GNAT3: variants seen among roughly 807,000 people sequenced by gnomAD.
The protein encoded by GNAT3 is G protein subunit alpha transducin 3.
In GNAT3, 31 loss-of-function variants were observed where a neutral mutation model predicts 37.7. The observed-to-expected ratio is 0.82, with a 90% CI of 0.62 to 1.11. GNAT3 has a LOEUF of 1.11. Among genes scored for constraint, GNAT3 ranks in the 50% most tolerant of loss-of-function variants. The pLI, the probability that GNAT3 is intolerant of heterozygous loss-of-function variation, is 0.00. For missense variants in GNAT3, 437 were observed against 412.5 expected, an observed-to-expected ratio of 1.06 and a Z score of -0.51; for synonymous variants, 138 against 139.8, an observed-to-expected ratio of 0.99 and a Z score of 0.09.
chr7:80,460,955 G>A (rs935410448), intron 7 of GNAT3, among the ~76,000 whole-genome samples: 1 of 151,634 alleles, frequency 6.6e-6, no homozygotes, highest in Non-Finnish European at 1.5e-5. Context: ...ACTAGAAACT[G>A]CTCTAAGAAA....
intron 5 of GNAT3, among the ~76,000 whole-genome samples, chr7:80,467,107 GA>G (rs1790140086): frequency 6.6e-6 from 1 of 152,130 alleles, no homozygotes; most frequent in African/African-American, 2.4e-5. Flanking sequence ...GTAAAGGATA[GA>G]ACTCACGTAC....
chr7:80,497,664 GTA>G (rs1412256546), intron 1 of GNAT3, among the ~76,000 whole-genome samples: 2 of 94,088 alleles, frequency 2.1e-5, no homozygotes, highest in African/African-American at 1.4e-4. Flanking sequence ...ATACATATAC[GTA>G]TATACATACA....
intron 3 of GNAT3, among the ~76,000 whole-genome samples, chr7:80,479,826 G>A (rs573101621): frequency 3.3e-5 from 5 of 151,232 alleles, no homozygotes; most frequent in Non-Finnish European, 5.9e-5. Flanking sequence ...TTACTGCCTC[G>A]TAATCATATA....
At chr7:80,466,824 A>G (rs900244405) in intron 5 of GNAT3, among the ~76,000 whole-genome samples, 1 of 152,126 alleles carries the variant, frequency 6.6e-6, no homozygotes, top group Non-Finnish European at 1.5e-5. Context: ...CAGCCTACTA[A>G]TGATGTGTTA....
At chr7:80,479,110 T>G in intron 3 of GNAT3, 112 bp from the exon 4 acceptor site, 1 of 777,426 alleles carries the variant, frequency 1.3e-6, no homozygotes, top group Non-Finnish European at 2.0e-6. Context: ...TAGCTAATAA[T>G]TCCACCAAAC....
At chr7:80,468,931 A>G (rs1790165763) in intron 5 of GNAT3, among the ~76,000 whole-genome samples, 1 of 152,152 alleles carries the variant, frequency 6.6e-6, no homozygotes, top group Non-Finnish European at 1.5e-5. Context: ...TTCTGTCACT[A>G]GAATCAATTA....
At position 80,488,476 on chromosome 7, in the gene GNAT3, T is replaced by C. The variant is rs543042982; in HGVS notation, c.303+59A>G. On this transcript the variant is annotated intron_variant, in intron 3 of 7. Coordinates refer to ENST00000398291, the MANE Select transcript of GNAT3 (RefSeq NM_001102386.3). ...AATACTATGAACTTATTAAGTCCTC[T>C]TATTTTATGGCTCAAACTCTATTGC... 206 of 1,427,732 alleles carry C rather than the reference T, an allele frequency of 1.4e-4. 1 individual carries two copies. In the East Asian group the frequency reaches 4.3e-3, roughly 30 times the overall value. The allele number at this position is 1,427,732 out of a possible 1,614,324, so 88.4% of individuals were successfully genotyped here. A position where few individuals can be genotyped will look rare whatever the true frequency, so the allele number is the denominator to read the frequency against.
chr7:80,491,706 A>G (rs1270991888), intron 2 of GNAT3, among the ~76,000 whole-genome samples: 1 of 152,216 alleles, frequency 6.6e-6, no homozygotes, highest in African/African-American at 2.4e-5. Context: ...CGAAGATGAC[A>G]TAATAAATAA....
chr7:80,499,444 G>T (rs1410698227), intron 1 of GNAT3, among the ~76,000 whole-genome samples: 1 of 152,004 alleles, frequency 6.6e-6, no homozygotes, highest in Non-Finnish European at 1.5e-5. Flanking sequence ...GAGTGCAGTA[G>T]CATGATCATG....
At chr7:80,496,622 C>T (rs892112340) in intron 1 of GNAT3, among the ~76,000 whole-genome samples, 1 of 152,180 alleles carries the variant, frequency 6.6e-6, no homozygotes, top group Non-Finnish European at 1.5e-5. Flanking sequence ...GAATCTCTAT[C>T]TGCTTTGTTC....
intron 5 of GNAT3, among the ~76,000 whole-genome samples, chr7:80,468,002 A>G (rs925196150): frequency 6.6e-6 from 1 of 151,746 alleles, no homozygotes; most frequent in Admixed American, 6.6e-5. Flanking sequence ...CACTTGATGG[A>G]CTTCTTAAAG....
chr7:80,495,814 C>G (rs903541759), intron 1 of GNAT3, among the ~76,000 whole-genome samples: 2 of 152,066 alleles, frequency 1.3e-5, no homozygotes, highest in African/African-American at 4.8e-5. Flanking sequence ...TTGTAGTGAA[C>G]ATTTTCTTAC....
chr7:80,464,798 G>T (rs896793755), intron 5 of GNAT3, among the ~76,000 whole-genome samples: 14 of 151,920 alleles, frequency 9.2e-5, no homozygotes, highest in Admixed American at 6.6e-4. Flanking sequence ...ACCAAGTAAA[G>T]ATATATATAA....
chr7:80,495,614 C>T (rs965947431), intron 1 of GNAT3, among the ~76,000 whole-genome samples: 5 of 151,780 alleles, frequency 3.3e-5, no homozygotes, highest in African/African-American at 4.8e-5. Context: ...GGATTACAGG[C>T]GCATGCCACC....
At chr7:80,501,903 T>A (rs1790840585) in intron 1 of GNAT3, among the ~76,000 whole-genome samples, 1 of 152,046 alleles carries the variant, frequency 6.6e-6, no homozygotes, top group South Asian at 2.1e-4. Context: ...ATCTGTAAAA[T>A]TCCTCATCAG....
intron 2 of GNAT3, 42 bp downstream of exon 2, chr7:80,494,563 C>G (rs1311443496): frequency 9.7e-7 from 1 of 1,035,960 alleles, no homozygotes; most frequent in Non-Finnish European, 1.5e-6. Context: ...AATACATGGA[C>G]AGACATCAAA....
At chr7:80,511,710 C>T in intron 1 of GNAT3, 99 bp downstream of exon 1, 1 of 630,426 alleles carries the variant, frequency 1.6e-6, no homozygotes, top group Admixed American at 3.0e-5. Flanking sequence ...ATAAATTTCC[C>T]ATATGATAAT....
intron 4 of GNAT3, 79 bp from the exon 5 acceptor site, chr7:80,474,458 C>T (rs925232684): frequency 2.5e-5 from 15 of 593,998 alleles, no homozygotes; most frequent in African/African-American, 3.9e-5. Flanking sequence ...TACACACATA[C>T]ATACATATAT....
chr7:80,483,614 C>A (rs892461712), intron 3 of GNAT3, among the ~76,000 whole-genome samples: 2 of 152,116 alleles, frequency 1.3e-5, no homozygotes, highest in African/African-American at 2.4e-5. Flanking sequence ...TTGATCCCCT[C>A]TTTCCCTCCT....
Sources: gnomAD v4.1 joint callset for allele counts (sites outside exome capture counted in the v4.1 genomes callset) on GRCh38, gnomAD v4.1.1 for gene constraint, MANE v1.5 for transcripts, NCBI Gene and HGNC (gene_info 2026-07-23, HGNC 2026-07-21) for gene names.